PGAP1: variants seen among roughly 807,000 people sequenced by gnomAD.
PGAP1 encodes GPI inositol-deacylase.
Under a neutral mutation model 127.0 loss-of-function variants are expected in PGAP1, and 76 were observed. That is an observed-to-expected ratio of 0.60 (90% CI 0.50 to 0.72). The LOEUF (loss-of-function observed/expected upper bound fraction) is 0.72, where lower values mean the gene tolerates loss of function less well. Ranked by LOEUF, PGAP1 falls within the 30% of genes least tolerant of loss-of-function variation. The pLI is 0.00. For synonymous variants in PGAP1, 362 were observed against 366.5 expected, an observed-to-expected ratio of 0.99 and a Z score of 0.14; for missense variants, 982 against 1,071.3, an observed-to-expected ratio of 0.92 and a Z score of 1.16.
chr2:196,904,398 G>C (rs944093426), intron 4 of PGAP1, among the ~76,000 whole-genome samples: 1 of 152,146 alleles, frequency 6.6e-6, no homozygotes, highest in East Asian at 1.9e-4. Flanking sequence ...AAAATGAAGA[G>C]ACCCACACAG....
At chr2:196,919,936 A>AT (rs1703131554) in intron 2 of PGAP1, 61 bp downstream of exon 2, 1 of 1,505,844 alleles carries the variant, frequency 6.6e-7, no homozygotes, top group Non-Finnish European at 9.1e-7. Flanking sequence ...GAGTATGGAT[A>AT]TGATTCAAAT....
intron 10 of PGAP1, 138 bp from the exon 11 acceptor site, chr2:196,886,018 T>A: frequency 2.2e-6 from 1 of 448,368 alleles, no homozygotes; most frequent in Non-Finnish European, 3.9e-6. Flanking sequence ...AATAACAGCT[T>A]ATTGTTGAGA....
At chr2:196,905,597 G>A (rs1322660497) in intron 4 of PGAP1, among the ~76,000 whole-genome samples, 1 of 152,158 alleles carries the variant, frequency 6.6e-6, no homozygotes, top group Non-Finnish European at 1.5e-5. Context: ...GGAGGGAGGA[G>A]CCAAGATGGC....
chr2:196,883,305 A>G (rs1701790728), intron 12 of PGAP1, among the ~76,000 whole-genome samples: 1 of 152,258 alleles, frequency 6.6e-6, no homozygotes, highest in Non-Finnish European at 1.5e-5. Context: ...CAAGGAGGAC[A>G]GAGATGCTCA....
intron 10 of PGAP1, among the ~76,000 whole-genome samples, chr2:196,889,337 G>A (rs1246560413): frequency 2.0e-5 from 3 of 152,036 alleles, no homozygotes; most frequent in African/African-American, 4.8e-5. Flanking sequence ...CTAAAATATA[G>A]TACCCATTAG....
intron 22 of PGAP1, 114 bp downstream of exon 22, chr2:196,846,889 T>C: frequency 1.2e-6 from 1 of 852,220 alleles, no homozygotes; most frequent in South Asian, 2.0e-5. Flanking sequence ...TTTCGCTAGT[T>C]ATATATTTTT....
chr2:196,870,728 A>G (rs1701385268), intron 19 of PGAP1, among the ~76,000 whole-genome samples: 1 of 152,206 alleles, frequency 6.6e-6, no homozygotes, highest in South Asian at 2.1e-4. Context: ...GCCAAGAATA[A>G]TTTTTGGATT....
At chr2:196,864,688 T>C (rs1431239019) in intron 20 of PGAP1, among the ~76,000 whole-genome samples, 3 of 152,184 alleles carry the variant, frequency 2.0e-5, no homozygotes, top group African/African-American at 4.8e-5. Context: ...GTCTCTGGAC[T>C]AGCTTCCTCA....
At chr2:196,867,026 C>T (rs1701265968) in intron 19 of PGAP1, among the ~76,000 whole-genome samples, 1 of 152,172 alleles carries the variant, frequency 6.6e-6, no homozygotes, top group African/African-American at 2.4e-5. Flanking sequence ...TTCTTTTACA[C>T]TGTTGGTGGG....
At position 196,906,614 on chromosome 2, in the gene PGAP1, A is replaced by G. The variant is rs373571153; in HGVS notation, c.650-3872T>C. Among the ~76,000 whole-genome samples the G allele has an allele frequency of 7.1e-3, 337 of 47,140 alleles. 1 individual carries two copies. Among genetic ancestry groups the G allele is most frequent in the Middle Eastern group, 0.04 (5 of 126 alleles). 30.9% of individuals were successfully genotyped at this position (47,140 alleles called of 152,430 possible). On this transcript the variant is annotated intron_variant, in intron 4 of 26. Coordinates refer to ENST00000354764, the MANE Select transcript of PGAP1 (RefSeq NM_024989.4). ...AAGCTGGATGGAGAATGATTTTGACAAGCTGAGAGAAGAAGGCTTCAGACG... is the reference window on the plus strand; with the variant it reads ...AAGCTGGATGGAGAATGATTTTGACGAGCTGAGAGAAGAAGGCTTCAGACG...
At chr2:196,922,668 C>A in intron 1 of PGAP1, 1 of 294,836 alleles carries the variant, frequency 3.4e-6, no homozygotes, top group Non-Finnish European at 5.0e-6. Context: ...ATTATTCTTA[C>A]CTACTTTTTT....
intron 4 of PGAP1, among the ~76,000 whole-genome samples, chr2:196,903,599 G>C (rs1457251882): frequency 6.7e-6 from 1 of 149,902 alleles, no homozygotes; most frequent in Non-Finnish European, 1.5e-5. Flanking sequence ...AAAAGGCTTA[G>C]CAAATCTCTT....
intron 1 of PGAP1, among the ~76,000 whole-genome samples, chr2:196,923,858 T>C (rs1050362896): frequency 6.6e-6 from 1 of 152,216 alleles, no homozygotes; most frequent in Non-Finnish European, 1.5e-5. Context: ...CATACGAAGA[T>C]AGCCAGACAA....
Position 196,838,335 on chromosome 2 carries a change from T to C in PGAP1, c.*2899A>G, listed in dbSNP as rs1405061230. ...ATAAATAATTTCATTTTTGTTAACA[T>C]TGCTAATAGGGCAGTGCTGTTTAAC... is the stretch of plus-strand genomic sequence containing the variant. On this transcript the variant is annotated 3_prime_UTR_variant, in exon 27 of 27. Coordinates refer to ENST00000354764, the MANE Select transcript of PGAP1 (RefSeq NM_024989.4). The C allele has an allele frequency of 1.3e-5, 2 of 152,220 alleles. No homozygotes were observed. The highest frequency in any genetic ancestry group is 2.9e-5 in the Non-Finnish European group (2 of 68,028). The allele number at this position is 152,220 out of a possible 1,614,324, so 9.4% of individuals were successfully genotyped here.
At chr2:196,904,567 C>T (rs1316155692) in intron 4 of PGAP1, among the ~76,000 whole-genome samples, 1 of 151,984 alleles carries the variant, frequency 6.6e-6, no homozygotes, top group Non-Finnish European at 1.5e-5. Flanking sequence ...GAAACACTGT[C>T]TCTACTAAAA....
intron 19 of PGAP1, 81 bp from the exon 20 acceptor site, chr2:196,865,161 T>C: frequency 1.4e-6 from 1 of 736,062 alleles, no homozygotes; most frequent in Non-Finnish European, 2.2e-6. Context: ...TAAAAGTTGC[T>C]CTTCAATTTA....
chr2:196,916,996 C>T (rs931560009), intron 2 of PGAP1, among the ~76,000 whole-genome samples: 6 of 152,138 alleles, frequency 3.9e-5, no homozygotes, highest in Admixed American at 6.6e-5. Context: ...TAGATACTCA[C>T]GCTTGATTTG....
Position 196,843,883 on chromosome 2 carries a change from C to T in PGAP1, c.2525+5G>A, listed in dbSNP as rs759133146. 1.2e-5 allele frequency: 18 copies of T among 1,477,886 alleles called. No homozygotes were observed. Among genetic ancestry groups the T allele is most frequent in the Admixed American group, 6.0e-5 (3 of 49,896 alleles). The allele number at this position is 1,477,886 out of a possible 1,614,324, so 91.5% of individuals were successfully genotyped here. A position where few individuals can be genotyped will look rare whatever the true frequency, so the allele number is the denominator to read the frequency against. ...ATAAACAATAATTATATCAATAAAACGCACCTAAGATTCTTTAGCCAATAA... is the reference window on the plus strand; with the variant it reads ...ATAAACAATAATTATATCAATAAAATGCACCTAAGATTCTTTAGCCAATAA... On this transcript the variant is annotated splice_donor_5th_base_variant and intron_variant, in intron 25 of 26. Transcript: ENST00000354764.
intron 4 of PGAP1, among the ~76,000 whole-genome samples, chr2:196,912,416 C>T (rs749577399): frequency 1.3e-5 from 2 of 151,730 alleles, no homozygotes; most frequent in Non-Finnish European, 2.9e-5. Context: ...AGGCAGATCA[C>T]TTGAGGTCAG....
Sources: allele counts gnomAD v4.1 joint callset (sites outside exome capture counted in the v4.1 genomes callset), GRCh38; gene constraint gnomAD v4.1.1; transcripts MANE v1.5; gene names NCBI Gene and HGNC (gene_info 2026-07-23, HGNC 2026-07-21).